The following BICDL1 variants were observed in gnomAD, a reference collection of about 807,000 sequenced individuals.
BICDL1 encodes BICD family-like cargo adapter 1.
BICDL1 carries 20 observed loss-of-function variants against 76.8 expected under a neutral mutation model. The observed-to-expected ratio is 0.26, with a 90% CI of 0.18 to 0.38. BICDL1 has a LOEUF of 0.38. BICDL1 is among the 10% of genes least tolerant of loss of function. The pLI is 1.00. For synonymous variants in BICDL1, 383 were observed against 337.1 expected (o/e 1.14, Z -1.49); for missense variants, 700 against 798.6 (o/e 0.88, Z 1.49).
intron 2 of BICDL1, chr12:120,057,290 C>T: frequency 2.9e-6 from 1 of 346,884 alleles, no homozygotes; most frequent in South Asian, 2.2e-5. Context: ...GCTGGGATTA[C>T]ACCGCGCCTG....
intron 3 of BICDL1, among the ~76,000 whole-genome samples, chr12:120,062,850 C>G (rs1363951471): frequency 1.3e-5 from 2 of 152,146 alleles, no homozygotes; most frequent in Admixed American, 6.5e-5. Flanking sequence ...CCTCTGCCAG[C>G]CTCTGACTCC....
chr12:120,087,618 AGT>A (rs1236321740), intron 8 of BICDL1, among the ~76,000 whole-genome samples: 1 of 152,196 alleles, frequency 6.6e-6, no homozygotes, highest in East Asian at 1.9e-4. Flanking sequence ...TGCTGTTTTG[AGT>A]GCTTAAGGGA....
intron 4 of BICDL1, among the ~76,000 whole-genome samples, chr12:120,068,227 A>G (rs1872801489): frequency 1.3e-5 from 2 of 152,208 alleles, no homozygotes; most frequent in Admixed American, 6.5e-5. Flanking sequence ...TGCAGTGTCT[A>G]CTTTCTTTTT....
intron 1 of BICDL1, 41 bp from the exon 2 acceptor site, chr12:119,998,480 G>T (rs758572309): frequency 6.6e-7 from 1 of 1,523,062 alleles, no homozygotes; most frequent in African/African-American, 1.4e-5. Flanking sequence ...AAAGGCTGTG[G>T]AATTTTTATC....
At chr12:120,036,418 C>G (rs1952532033) in intron 2 of BICDL1, among the ~76,000 whole-genome samples, 1 of 152,232 alleles carries the variant, frequency 6.6e-6, no homozygotes, top group South Asian at 2.1e-4. Flanking sequence ...TCTGTGGAAA[C>G]AAGCTATAGA....
chr12:119,993,569 G>T (rs1239960669), intron 1 of BICDL1, among the ~76,000 whole-genome samples: 1 of 151,690 alleles, frequency 6.6e-6, no homozygotes, highest in Non-Finnish European at 1.5e-5. Flanking sequence ...CTCTTGAATT[G>T]ACTCTGTATT....
Position 120,043,190 on chromosome 12 carries a change from G to A in BICDL1, c.646-18520G>A, listed in dbSNP as rs112286479. Among the ~76,000 whole-genome samples the A allele has an allele frequency of 2.7e-3, 405 of 152,244 alleles. 2 individuals are homozygous for A. Among genetic ancestry groups the A allele is most frequent in the African/African-American group, 9.6e-3 (398 of 41,548 alleles). The stretch of plus-strand genomic sequence containing the variant: ...GGTATGTTACCTAGAGCAGTGCTCC[G>A]ACCTAGAAAATGCTAAATAATATTC... On this transcript the variant is annotated intron_variant, in intron 2 of 9. Transcript: ENST00000548673.
intron 4 of BICDL1, among the ~76,000 whole-genome samples, chr12:120,069,979 A>C (rs1413367228): frequency 6.6e-6 from 1 of 152,236 alleles, no homozygotes; most frequent in Non-Finnish European, 1.5e-5. Flanking sequence ...GGCATATAGT[A>C]GCAGTATATT....
intron 4 of BICDL1, among the ~76,000 whole-genome samples, chr12:120,070,416 C>A (rs996498408): frequency 4.6e-5 from 7 of 152,182 alleles, no homozygotes; most frequent in Non-Finnish European, 1.0e-4. Context: ...CTGAAAACCA[C>A]CAATCCCTGC....
chr12:119,993,969 A>G (rs1951582394), intron 1 of BICDL1, among the ~76,000 whole-genome samples: 1 of 152,234 alleles, frequency 6.6e-6, no homozygotes, highest in Admixed American at 6.5e-5. Flanking sequence ...ATCTACAATT[A>G]GCCGTTTTGC....
chr12:119,995,714 C>T (rs1566200760), intron 1 of BICDL1, among the ~76,000 whole-genome samples: 1 of 152,152 alleles, frequency 6.6e-6, no homozygotes, highest in Admixed American at 6.5e-5. Flanking sequence ...TGGCCGGGCA[C>T]GGTGGCTCAC....
chr12:120,015,235 C>A (rs1952036463), intron 2 of BICDL1, among the ~76,000 whole-genome samples: 1 of 152,160 alleles, frequency 6.6e-6, no homozygotes, highest in African/African-American at 2.4e-5. Flanking sequence ...CATTTTTTCC[C>A]ATTGTCAGAT....
chr12:120,010,119 C>G (rs1951924310), intron 2 of BICDL1, among the ~76,000 whole-genome samples: 1 of 152,224 alleles, frequency 6.6e-6, no homozygotes, highest in Non-Finnish European at 1.5e-5. Flanking sequence ...CCTGTGCTGC[C>G]AGCTTTGCCT....
At chr12:120,038,558 AT>A (rs1301508972) in intron 2 of BICDL1, among the ~76,000 whole-genome samples, 1 of 151,884 alleles carries the variant, frequency 6.6e-6, no homozygotes, top group African/African-American at 2.4e-5. Flanking sequence ...AATGTAGTGA[AT>A]TTTTTTCATT....
At chr12:120,051,132 C>T (rs972680570) in intron 2 of BICDL1, among the ~76,000 whole-genome samples, 1 of 151,908 alleles carries the variant, frequency 6.6e-6, no homozygotes, top group African/African-American at 2.4e-5. Context: ...ACTGCAACCT[C>T]CACCACCCGG....
chr12:120,013,688 C>T (rs917651201), intron 2 of BICDL1, among the ~76,000 whole-genome samples: 1 of 152,098 alleles, frequency 6.6e-6, no homozygotes, highest in Non-Finnish European at 1.5e-5. Flanking sequence ...TCTTGAACTC[C>T]TGGCCTCAAG....
Position 119,989,561 on chromosome 12 carries a change from C to T in BICDL1, c.-308C>T, listed in dbSNP as rs2138560038. On this transcript the variant is annotated 5_prime_UTR_variant, in exon 1 of 10. Transcript: ENST00000548673. ...CCCTCCCGCTTCGCCGACCCTCAGT[C>T]TCTGTTCCTGAGTCCTCCCTTCCCC... is the stretch of plus-strand genomic sequence containing the variant. 6.6e-6 allele frequency among the ~76,000 whole-genome samples: 1 copy of T among 150,658 alleles called. No individual in the cohort carries two copies. Among genetic ancestry groups the T allele is most frequent in the Admixed American group, 6.6e-5 (1 of 15,164 alleles).
intron 2 of BICDL1, among the ~76,000 whole-genome samples, chr12:120,058,921 A>G (rs1953042990): frequency 6.6e-6 from 1 of 152,080 alleles, no homozygotes; most frequent in African/African-American, 2.4e-5. Context: ...CTCAAATGAA[A>G]TGCCTAGCAT....
At chr12:119,991,401 C>T (rs1249832135) in intron 1 of BICDL1, among the ~76,000 whole-genome samples, 1 of 152,114 alleles carries the variant, frequency 6.6e-6, no homozygotes, top group South Asian at 2.1e-4. Context: ...TATAGTCCAG[C>T]GACGTAAAAG....
Sources: allele counts gnomAD v4.1 joint callset (sites outside exome capture counted in the v4.1 genomes callset), GRCh38; gene constraint gnomAD v4.1.1; transcripts MANE v1.5; gene names NCBI Gene and HGNC (gene_info 2026-07-23, HGNC 2026-07-21).